PCLO: variants seen among roughly 807,000 people sequenced by gnomAD.
The protein encoded by PCLO is protein piccolo.
A neutral mutation model predicts 427.5 loss-of-function variants in PCLO; 82 were observed. That is an observed-to-expected ratio of 0.19 (90% CI 0.16 to 0.23). The LOEUF is 0.23. PCLO is among the 10% of genes least tolerant of loss of function. The pLI, the probability that PCLO is intolerant of heterozygous loss-of-function variation, is 1.00. For missense variants in PCLO, 6,239 were observed against 6,115.9 expected (o/e 1.02, Z -0.67); for synonymous variants, 2,357 against 2,155.4 (o/e 1.09, Z -2.59).
chr7:82,974,122 C>G (rs1240213403), intron 3 of PCLO, among the ~76,000 whole-genome samples: 3 of 152,206 alleles, frequency 2.0e-5, no homozygotes, highest in East Asian at 3.9e-4. Flanking sequence ...TGCAGTGGCT[C>G]ACATCTGTAA....
At chr7:83,087,763 A>G (rs58674493) in intron 3 of PCLO, among the ~76,000 whole-genome samples, 4,098 of 152,206 alleles carry the variant, frequency 0.027, 187 homozygotes, top group African/African-American at 0.094. Flanking sequence ...GAGTTATATC[A>G]GGCAAAGATT....
At chr7:82,957,549 A>C (rs533197071) in intron 4 of PCLO, among the ~76,000 whole-genome samples, 63 of 152,350 alleles carry the variant, frequency 4.1e-4, no homozygotes, top group Non-Finnish European at 8.1e-4. Flanking sequence ...GAAACACTAT[A>C]TATACTTGGT....
At chr7:83,119,072 TC>T (rs986291322) in intron 3 of PCLO, among the ~76,000 whole-genome samples, 1 of 152,132 alleles carries the variant, frequency 6.6e-6, no homozygotes, top group African/African-American at 2.4e-5. Flanking sequence ...AGGTCCTAAC[TC>T]CTGGATGGCA....
chr7:82,772,627 C>A (rs1192613255), intron 22 of PCLO, among the ~76,000 whole-genome samples: 1 of 152,156 alleles, frequency 6.6e-6, no homozygotes, highest in Non-Finnish European at 1.5e-5. Context: ...GACAAGCCTG[C>A]ACATTCTCTC....
At chr7:83,070,666 C>A (rs558216950) in intron 3 of PCLO, among the ~76,000 whole-genome samples, 3 of 152,270 alleles carry the variant, frequency 2.0e-5, no homozygotes, top group African/African-American at 7.2e-5. Flanking sequence ...GGATTACAGG[C>A]GTGAGCCACT....
chr7:82,957,293 A>G (rs553664092), intron 4 of PCLO, among the ~76,000 whole-genome samples: 1 of 152,324 alleles, frequency 6.6e-6, no homozygotes, highest in African/African-American at 2.4e-5. Flanking sequence ...ATTTAAAGAT[A>G]AATTTTCTAT....
intron 6 of PCLO, among the ~76,000 whole-genome samples, chr7:82,918,420 T>G (rs535350190): frequency 3.3e-5 from 5 of 152,144 alleles, no homozygotes; most frequent in African/African-American, 9.6e-5. Flanking sequence ...TATGGTTTCT[T>G]GATTAACCCA....
At chr7:83,130,338 C>T (rs1461437111) in intron 3 of PCLO, among the ~76,000 whole-genome samples, 2 of 152,060 alleles carry the variant, frequency 1.3e-5, no homozygotes, top group African/African-American at 2.4e-5. Context: ...AACCACCATG[C>T]CGGCTTTCTC....
In PCLO at chr7:82,918,186, A is replaced by C. The variant is rs188399293; in HGVS notation, c.11113-1313T>G. On this transcript the variant is annotated intron_variant, in intron 6 of 24. Transcript: ENST00000333891. ...TTGTTTTTCCTCATAGAGCAATCCC[A>C]ATGTATATGGAGTATTGAAGTCCCC... Among the ~76,000 whole-genome samples, 6 of 152,078 alleles carry C rather than the reference A, an allele frequency of 3.9e-5. No individual in the cohort carries two copies. The East Asian group carries it at 1.2e-3, about 29-fold the overall frequency.
intron 15 of PCLO, among the ~76,000 whole-genome samples, chr7:82,837,353 A>T (rs1275576365): frequency 6.6e-6 from 1 of 152,064 alleles, no homozygotes; most frequent in East Asian, 1.9e-4. Context: ...GGAAAATTCA[A>T]ATATCACTCC....
intron 3 of PCLO, among the ~76,000 whole-genome samples, chr7:83,083,774 C>T (rs1790161760): frequency 6.6e-6 from 1 of 152,048 alleles, no homozygotes; most frequent in Admixed American, 6.6e-5. Context: ...AGTGATGACC[C>T]TGCCCACTCA....
At chr7:83,022,026 A>C (rs1788356616) in intron 3 of PCLO, among the ~76,000 whole-genome samples, 1 of 152,198 alleles carries the variant, frequency 6.6e-6, no homozygotes, top group Non-Finnish European at 1.5e-5. Context: ...TCCTCCAAAA[A>C]TTGTATGCCA....
chr7:82,857,878 A>T (rs1236170163), intron 10 of PCLO, among the ~76,000 whole-genome samples: 4 of 152,288 alleles, frequency 2.6e-5, no homozygotes, highest in Middle Eastern at 3.4e-3. Context: ...CTTCACAAGA[A>T]ATAATACAAC....
intron 10 of PCLO, among the ~76,000 whole-genome samples, chr7:82,866,620 T>A (rs377582733): frequency 6.7e-6 from 1 of 150,292 alleles, no homozygotes; most frequent in Non-Finnish European, 1.5e-5. Context: ...AATAAAGGAA[T>A]CTTATTTTCC....
Position 83,135,234 on chromosome 7 carries a change from T to G in PCLO, c.2316A>C (p.Ala772=). Residue 772 remains alanine, a synonymous_variant, in exon 3 of 25, where the codon GCA becomes GCC. Coordinates refer to ENST00000333891, the MANE Select transcript of PCLO (RefSeq NM_033026.6). ...AGCTTGGAATATCAGGTTTTGTTGTTGCTGATGATGAAGATACAAGGTCAG... is the reference window on the plus strand; with the variant it reads ...AGCTTGGAATATCAGGTTTTGTTGTGGCTGATGATGAAGATACAAGGTCAG... ...PTTDLVSSSS[A]TTKPDIPSSK... is the part of the protein sequence containing the mutation. The G allele has an allele frequency of 6.2e-7, 1 of 1,613,934 alleles. No individual in the cohort carries two copies. Among genetic ancestry groups the G allele is most frequent in the Non-Finnish European group, 8.5e-7 (1 of 1,179,890 alleles).
At chr7:83,105,315 T>C (rs1389070606) in intron 3 of PCLO, among the ~76,000 whole-genome samples, 1 of 152,204 alleles carries the variant, frequency 6.6e-6, no homozygotes, top group Non-Finnish European at 1.5e-5. Context: ...ATTAGCCACA[T>C]AAATACACTT....
chr7:82,799,894 G>A (rs1791306951), intron 22 of PCLO, among the ~76,000 whole-genome samples: 1 of 152,044 alleles, frequency 6.6e-6, no homozygotes, highest in South Asian at 2.1e-4. Flanking sequence ...CTTCTTTCAC[G>A]AGTATATCAT....
At chr7:82,887,127 C>T (rs1244078022) in intron 9 of PCLO, among the ~76,000 whole-genome samples, 2 of 152,040 alleles carry the variant, frequency 1.3e-5, no homozygotes, top group South Asian at 2.1e-4. Flanking sequence ...TTTCTTTAAC[C>T]ACCTCCACAA....
chr7:82,800,722 A>G (rs565121786), intron 22 of PCLO, among the ~76,000 whole-genome samples: 1 of 152,138 alleles, frequency 6.6e-6, no homozygotes, highest in Non-Finnish European at 1.5e-5. Context: ...CAGCCTCCTG[A>G]GTAGCTGGGA....
Sources: allele counts gnomAD v4.1 joint callset (sites outside exome capture counted in the v4.1 genomes callset), GRCh38; gene constraint gnomAD v4.1.1; transcripts MANE v1.5; gene names NCBI Gene and HGNC (gene_info 2026-07-23, HGNC 2026-07-21).